CELF2: variants seen among roughly 807,000 people sequenced by gnomAD.
The protein encoded by CELF2 is CUG triplet repeat RNA-binding protein 2.
In CELF2, 8 loss-of-function variants were observed where a neutral mutation model predicts 62.6. The observed-to-expected ratio is 0.13, with a 90% CI of 0.07 to 0.23. The LOEUF is 0.23. Among genes scored for constraint, CELF2 ranks in the 10% least tolerant of loss-of-function variants. The pLI is 1.00. For synonymous variants in CELF2, 258 were observed against 250.0 expected (o/e 1.03, Z -0.30); for missense variants, 333 against 671.0 (o/e 0.50, Z 5.56).
intron 2 of CELF2, among the ~76,000 whole-genome samples, chr10:10,992,893 A>G (rs1312997930): frequency 6.6e-6 from 1 of 152,184 alleles, no homozygotes; most frequent in Non-Finnish European, 1.5e-5. Flanking sequence ...AATAGTTAAC[A>G]AGGAAAGATG....
At chr10:10,580,159 G>A in the CELF2 span, among the ~76,000 whole-genome samples, 2 of 152,264 alleles carry the variant, frequency 1.3e-5, no homozygotes, top group African/African-American at 4.8e-5. Flanking sequence ...ATGAGACCAT[G>A]AGTTGGAAAG....
chr10:10,988,163 C>T (rs1430163309), intron 2 of CELF2, among the ~76,000 whole-genome samples: 1 of 151,996 alleles, frequency 6.6e-6, no homozygotes, highest in African/African-American at 2.4e-5. Flanking sequence ...CAGCACAATT[C>T]GCAATTGCCA....
the CELF2 span, among the ~76,000 whole-genome samples, chr10:10,571,919 A>C: frequency 2.0e-5 from 3 of 152,182 alleles, no homozygotes; most frequent in Non-Finnish European, 4.4e-5. Flanking sequence ...AAAGAGAGGG[A>C]GGACACAGTC....
At position 11,046,047 on chromosome 10, in the gene CELF2, G is replaced by T. The variant is rs544697172; in HGVS notation, c.74+27884G>T. On this transcript the variant is annotated intron_variant, in intron 1 of 12. Coordinates refer to ENST00000633077, the MANE Select transcript of CELF2 (RefSeq NM_001326342.2). This position sits in a 1 kb window ranked among gnomAD's most constrained non-coding sequence, Gnocchi z 4.6. ...GGTTTGTTTTTAAAGGCAACGACTC[G>T]CTCATGAAGAGTTTGAACATACAGG... 6.3e-4 allele frequency among the ~76,000 whole-genome samples: 96 copies of T among 152,184 alleles called. No homozygotes were observed. The highest frequency in any genetic ancestry group is 1.2e-3 in the Non-Finnish European group (83 of 68,030).
chr10:11,015,818 A>G (rs1212286854), upstream of CELF2, among the ~76,000 whole-genome samples: 2 of 152,234 alleles, frequency 1.3e-5, no homozygotes, highest in Non-Finnish European at 2.9e-5. This position sits in a 1 kb window ranked among gnomAD's most constrained non-coding sequence, Gnocchi z 4.8. Flanking sequence ...GGCTTAAGTC[A>G]GTAAGAGGGC....
the CELF2 span, among the ~76,000 whole-genome samples, chr10:10,766,225 G>A: frequency 1.3e-5 from 2 of 152,280 alleles, no homozygotes; most frequent in East Asian, 1.9e-4. Flanking sequence ...TCCCAGATTC[G>A]TACATCCTGG....
chr10:10,580,597 A>G, the CELF2 span, among the ~76,000 whole-genome samples: 1 of 152,326 alleles, frequency 6.6e-6, no homozygotes, highest in East Asian at 1.9e-4. Context: ...CTTCATATTT[A>G]AAACAGAATG....
intron 2 of CELF2, among the ~76,000 whole-genome samples, chr10:10,982,972 T>A (rs1327694747): frequency 6.6e-6 from 1 of 152,076 alleles, no homozygotes; most frequent in Non-Finnish European, 1.5e-5. Flanking sequence ...ATTTAAATTG[T>A]CAAAAAGGAT....
chr10:10,851,457 C>A (rs137888397), intron 1 of CELF2, among the ~76,000 whole-genome samples: 243 of 152,192 alleles, frequency 1.6e-3, no homozygotes, highest in African/African-American at 5.4e-3. Context: ...AGGTTGCCGA[C>A]CTCAATATAA....
At chr10:10,910,699 C>CAAAAAAAAAAAAAAAAAAAA (rs55954207) in intron 1 of CELF2, among the ~76,000 whole-genome samples, 2 of 92,244 alleles carry the variant, frequency 2.2e-5, no homozygotes, top group Non-Finnish European at 4.2e-5. Context: ...GACTCTGCCT[C>CAAAAAAAAAAAAAAAAAAAA]AAAAAAAAAA....
At chr10:10,984,397 A>G (rs1390002520) in intron 2 of CELF2, among the ~76,000 whole-genome samples, 1 of 152,198 alleles carries the variant, frequency 6.6e-6, no homozygotes, top group Non-Finnish European at 1.5e-5. Context: ...GGCTTATTTA[A>G]CAATCTACAG....
At position 10,990,444 on chromosome 10, in the gene CELF2, G is replaced by A. The variant is rs1456906068; in HGVS notation, c.89+70445G>A. On this transcript the variant is annotated intron_variant, in intron 2 of 13. Coordinates refer to the CELF2 transcript ENST00000636488. This position sits in a 1 kb window ranked among gnomAD's most constrained non-coding sequence, Gnocchi z 4.6. The stretch of plus-strand genomic sequence containing the variant: ...CTTCTTTATACTTATCTGTGTTTCT[G>A]AGCATTATTATGAGCATGAATTGCT... Among the ~76,000 whole-genome samples the A allele has an allele frequency of 6.6e-6, 1 of 152,090 alleles. No individual in the cohort carries two copies. The highest frequency in any genetic ancestry group is 1.5e-5 in the Non-Finnish European group (1 of 67,988).
the CELF2 span, among the ~76,000 whole-genome samples, chr10:10,526,042 T>C: frequency 2.0e-4 from 30 of 152,178 alleles, 1 homozygote. Context: ...CTCATTGTGG[T>C]TTTAATTTGC....
chr10:10,675,253 G>A, the CELF2 span, among the ~76,000 whole-genome samples: 3,415 of 152,084 alleles, frequency 0.022, 98 homozygotes, highest in South Asian at 0.077. Flanking sequence ...AACTTCACAG[G>A]GTATAGGAGT....
chr10:10,579,355 T>G, the CELF2 span, among the ~76,000 whole-genome samples: 6 of 152,192 alleles, frequency 3.9e-5, no homozygotes, highest in Non-Finnish European at 7.4e-5. Flanking sequence ...TTCATGGTAC[T>G]CATTGCCTTT....
chr10:10,573,276 G>T, the CELF2 span, among the ~76,000 whole-genome samples: 1 of 152,134 alleles, frequency 6.6e-6, no homozygotes, highest in Non-Finnish European at 1.5e-5. Flanking sequence ...TGGATAGATT[G>T]TAAAAGTTTT....
intron 3 of CELF2, among the ~76,000 whole-genome samples, chr10:11,230,559 G>A (rs911337005): frequency 2.6e-5 from 4 of 152,220 alleles, no homozygotes; most frequent in Admixed American, 6.5e-5. Flanking sequence ...CAGACATTCT[G>A]AAGGTGGGGT....
At chr10:11,252,761 G>C (rs570519766) in intron 4 of CELF2, among the ~76,000 whole-genome samples, 4 of 152,308 alleles carry the variant, frequency 2.6e-5, no homozygotes, top group East Asian at 1.9e-4. Flanking sequence ...CACAGAGCCA[G>C]GTTGTCCAAA....
the CELF2 span, among the ~76,000 whole-genome samples, chr10:10,606,929 C>T: frequency 6.6e-6 from 1 of 152,072 alleles, no homozygotes; most frequent in Admixed American, 6.6e-5. Context: ...CCTGTGTACC[C>T]TGGGGTAAGG....
Sources: allele counts gnomAD v4.1 joint callset (sites outside exome capture counted in the v4.1 genomes callset), GRCh38; gene constraint gnomAD v4.1.1; non-coding constraint Gnocchi (gnomAD v3.1); transcripts MANE v1.5; gene names NCBI Gene and HGNC (gene_info 2026-07-23, HGNC 2026-07-21).